Variants in CSNK1A1 observed in about 807,000 individuals in gnomAD.
CSNK1A1 encodes casein kinase I isoform alpha.
In CSNK1A1, 7 loss-of-function variants were observed where a neutral mutation model predicts 46.1. That is an observed-to-expected ratio of 0.15 (90% CI 0.09 to 0.29). CSNK1A1 has a LOEUF of 0.29. Among genes scored for constraint, CSNK1A1 ranks in the 10% least tolerant of loss-of-function variants. The pLI, the probability that CSNK1A1 is intolerant of heterozygous loss-of-function variation, is 1.00. For synonymous variants in CSNK1A1, 137 were observed against 141.5 expected (o/e 0.97, Z 0.23); for missense variants, 96 against 417.1 (o/e 0.23, Z 6.71).
chr5:149,521,887 C>T (rs1459672119), intron 3 of CSNK1A1, among the ~76,000 whole-genome samples: 2 of 152,048 alleles, frequency 1.3e-5, no homozygotes, highest in African/African-American at 4.8e-5. Context: ...GGATTACAGG[C>T]GTGAGCCACT....
chr5:149,499,268 A>G, intron 9 of CSNK1A1: 2 of 967,744 alleles, frequency 2.1e-6, no homozygotes, highest in Non-Finnish European at 2.4e-6. Context: ...AACATCAGTT[A>G]AAATGAGGAA....
chr5:149,520,276 A>C lies in CSNK1A1; in HGVS notation c.456+14T>G. 6.8e-7 allele frequency: 1 copy of C among 1,473,244 alleles called. No homozygotes were observed. The highest frequency in any genetic ancestry group is 1.2e-5 in the South Asian group (1 of 83,592). The allele number at this position is 1,473,244 out of a possible 1,614,324, so 91.3% of individuals were successfully genotyped here. A position where few individuals can be genotyped will look rare whatever the true frequency, so the allele number is the denominator to read the frequency against. On this transcript the variant is annotated intron_variant, in intron 4 of 9. Coordinates refer to ENST00000377843, the MANE Select transcript of CSNK1A1 (RefSeq NM_001892.6). ...TTACTCTTTGTTCTTTCATGCAAAG[A>C]GCATTTGACTAACCTTATTACAGTG...
intron 9 of CSNK1A1, among the ~76,000 whole-genome samples, chr5:149,500,554 G>A (rs931308895): frequency 1.3e-5 from 2 of 151,852 alleles, no homozygotes; most frequent in African/African-American, 2.4e-5. Context: ...TGGGATTACA[G>A]AAGCGAGCCA....
intron 9 of CSNK1A1, chr5:149,497,747 A>G: frequency 1.0e-6 from 1 of 985,472 alleles, no homozygotes; most frequent in Non-Finnish European, 1.2e-6. Context: ...TAGAAACTAT[A>G]GCTCATTCTA....
chr5:149,538,930 A>AAAAAAG (rs1428598752), intron 2 of CSNK1A1, among the ~76,000 whole-genome samples: 1 of 151,948 alleles, frequency 6.6e-6, no homozygotes, highest in Non-Finnish European at 1.5e-5. Context: ...CTCAAAAAAA[A>AAAAAAG]AAAAAGAAAA....
intron 4 of CSNK1A1, among the ~76,000 whole-genome samples, chr5:149,513,620 C>T (rs1159527610): frequency 6.6e-6 from 1 of 152,152 alleles, no homozygotes; most frequent in African/African-American, 2.4e-5. Context: ...GATATAATGG[C>T]CGAGCGCGGT....
At position 149,500,995 on chromosome 5, in the gene CSNK1A1, G is replaced by A. The variant is rs1026228456; in HGVS notation, c.1007-4135C>T. 29 of 985,254 alleles carry A rather than the reference G, an allele frequency of 2.9e-5. No homozygotes were observed. The East Asian group carries it at 7.9e-4, about 27-fold the overall frequency. 61.0% of individuals were successfully genotyped at this position (985,254 alleles called of 1,614,324 possible). ...ATTCATTCTGCTACACATTTCTGAC[G>A]TTCTGGAGTTTTAAAATACCTGTTT... On this transcript the variant is annotated intron_variant, in intron 9 of 9. Coordinates refer to ENST00000377843, the MANE Select transcript of CSNK1A1 (RefSeq NM_001892.6).
At chr5:149,510,781 G>A (rs906000137) in intron 6 of CSNK1A1, among the ~76,000 whole-genome samples, 2 of 152,112 alleles carry the variant, frequency 1.3e-5, no homozygotes, top group Non-Finnish European at 2.9e-5. Context: ...TGCTCAGCCT[G>A]AAAAGCATTT....
At chr5:149,507,332 C>A (rs1211328553) in intron 7 of CSNK1A1, among the ~76,000 whole-genome samples, 199 bp from the exon 8 acceptor site, 2 of 152,082 alleles carry the variant, frequency 1.3e-5, no homozygotes, top group African/African-American at 2.4e-5. Flanking sequence ...CTATTATGTA[C>A]AATATTAGTA....
At chr5:149,501,893 T>C in intron 9 of CSNK1A1, 2 of 963,382 alleles carry the variant, frequency 2.1e-6, no homozygotes, top group Non-Finnish European at 2.5e-6. Context: ...GTGTTGGGTG[T>C]GAATCTTATG....
chr5:149,521,888 G>A (rs556159389), intron 3 of CSNK1A1, among the ~76,000 whole-genome samples: 120 of 151,984 alleles, frequency 7.9e-4, no homozygotes, highest in Non-Finnish European at 1.2e-3. Flanking sequence ...GATTACAGGC[G>A]TGAGCCACTG....
chr5:149,501,537 G>A, intron 9 of CSNK1A1: 1 of 984,942 alleles, frequency 1.0e-6, no homozygotes, highest in Non-Finnish European at 1.2e-6. Flanking sequence ...AGGTCAATAT[G>A]ATAGAAAAAT....
At chr5:149,545,560 AG>A (rs1762452447) in intron 2 of CSNK1A1, 1 of 696,864 alleles carries the variant, frequency 1.4e-6, no homozygotes. Flanking sequence ...AATGTAGGCA[AG>A]TCAATCGAGT....
At position 149,537,828 on chromosome 5, in the gene CSNK1A1, T is replaced by G. The variant is rs981077332; in HGVS notation, c.230+12247A>C. ...ATCTCTAAATGTTTCAGGGTACTGT[T>G]TGGGGCTCATCTCAATATGCTACCC... is the stretch of plus-strand genomic sequence containing the variant. On this transcript the variant is annotated intron_variant, in intron 2 of 9. Coordinates refer to ENST00000377843, the MANE Select transcript of CSNK1A1 (RefSeq NM_001892.6). 1.2e-4 allele frequency among the ~76,000 whole-genome samples: 17 copies of G among 146,004 alleles called. No homozygotes were observed. The East Asian group carries it at 1.4e-3, about 12-fold the overall frequency.
chr5:149,534,906 CAAAAA>C (rs537826461), intron 2 of CSNK1A1, among the ~76,000 whole-genome samples: 1 of 72,530 alleles, frequency 1.4e-5, no homozygotes, highest in Non-Finnish European at 2.9e-5. Context: ...CCTTGTCTCC[CAAAAA>C]AAAAAAAAAA....
chr5:149,535,562 G>A (rs936517425), intron 2 of CSNK1A1, among the ~76,000 whole-genome samples: 1 of 151,912 alleles, frequency 6.6e-6, no homozygotes, highest in African/African-American at 2.4e-5. Context: ...GTTTCAGAAA[G>A]AAAAAAAGAA....
chr5:149,546,208 T>C (rs1426817292), intron 2 of CSNK1A1, among the ~76,000 whole-genome samples: 1 of 152,046 alleles, frequency 6.6e-6, no homozygotes, highest in Non-Finnish European at 1.5e-5. Flanking sequence ...GGCTTATCCT[T>C]GCTCTTTACT....
At chr5:149,537,989 T>C (rs1038306931) in intron 2 of CSNK1A1, among the ~76,000 whole-genome samples, 1 of 151,008 alleles carries the variant, frequency 6.6e-6, no homozygotes, top group Non-Finnish European at 1.5e-5. Flanking sequence ...CACAAAATCA[T>C]TGTCTGTTCA....
chr5:149,539,122 G>A (rs1008707710), intron 2 of CSNK1A1, among the ~76,000 whole-genome samples: 3 of 152,022 alleles, frequency 2.0e-5, no homozygotes, highest in Non-Finnish European at 4.4e-5. Context: ...TTCATACATC[G>A]ATTTTAGACA....
Sources: allele counts gnomAD v4.1 joint callset (sites outside exome capture counted in the v4.1 genomes callset), GRCh38; gene constraint gnomAD v4.1.1; transcripts MANE v1.5; gene names NCBI Gene and HGNC (gene_info 2026-07-23, HGNC 2026-07-21).